RTL4: variants seen among roughly 807,000 people sequenced by gnomAD.
RTL4 encodes retrotransposon Gag-like protein 4.
A neutral mutation model predicts 5.3 loss-of-function variants in RTL4; 4 were observed. That is an observed-to-expected ratio of 0.75 (90% CI 0.37 to 1.72). The LOEUF is 1.72. RTL4 is among the 40% of genes most tolerant of loss of function. The pLI is 0.04. For synonymous variants in RTL4, 98 were observed against 87.3 expected (o/e 1.12, Z -0.68); for missense variants, 260 against 227.1 (o/e 1.14, Z -0.93).
the RTL4 span, among the ~76,000 whole-genome samples, chrX:112,410,750 T>C: frequency 9.0e-6 from 1 of 111,213 alleles, no homozygotes; most frequent in Non-Finnish European, 1.9e-5. Flanking sequence ...AAGAAGAAAG[T>C]TTATAGCTAG....
chrX:112,368,622 G>A, the RTL4 span, among the ~76,000 whole-genome samples: 2 of 110,504 alleles, frequency 1.8e-5, no homozygotes, highest in East Asian at 2.9e-4. Flanking sequence ...AACATCCGAC[G>A]ATGCATAGGG....
chrX:112,091,739 G>C, the RTL4 span, among the ~76,000 whole-genome samples: 1 of 110,515 alleles, frequency 9.0e-6, no homozygotes, highest in African/African-American at 3.3e-5. Flanking sequence ...TGTTCTATCT[G>C]TTACATCTAG....
the RTL4 span, among the ~76,000 whole-genome samples, chrX:112,175,833 G>C: frequency 3.6e-5 from 4 of 111,207 alleles, no homozygotes; most frequent in African/African-American, 6.5e-5. Flanking sequence ...CAGGGATGCC[G>C]TCTCTCACCA....
the RTL4 span, among the ~76,000 whole-genome samples, chrX:112,260,064 T>C: frequency 8.9e-6 from 1 of 111,744 alleles, no homozygotes; most frequent in Admixed American, 9.5e-5. Flanking sequence ...AAGCTTGAGA[T>C]AAAGAGAATT....
At chrX:112,208,375 G>A in the RTL4 span, among the ~76,000 whole-genome samples, 1 of 111,983 alleles carries the variant, frequency 8.9e-6, no homozygotes, top group Non-Finnish European at 1.9e-5. Context: ...TCTGCTTTCA[G>A]AATCATGTCC....
the RTL4 span, among the ~76,000 whole-genome samples, chrX:112,238,392 G>A: frequency 3.0e-4 from 33 of 111,373 alleles, no homozygotes; most frequent in Admixed American, 6.7e-4. Flanking sequence ...CATGATGATT[G>A]ATATATACAG....
At chrX:112,238,463 C>A in the RTL4 span, among the ~76,000 whole-genome samples, 9 of 111,402 alleles carry the variant, frequency 8.1e-5, no homozygotes, top group Non-Finnish European at 1.5e-4. Context: ...TTCTATTCCC[C>A]TCTTGAAAGA....
At chrX:112,199,264 G>C in the RTL4 span, among the ~76,000 whole-genome samples, 54 of 103,308 alleles carry the variant, frequency 5.2e-4, no homozygotes, top group South Asian at 1.4e-3. Flanking sequence ...ACTCCAGCCT[G>C]GGCGACGGAG....
the RTL4 span, among the ~76,000 whole-genome samples, chrX:112,201,874 A>T: frequency 8.9e-6 from 1 of 111,795 alleles, no homozygotes; most frequent in Non-Finnish European, 1.9e-5. Flanking sequence ...ATCTTGCATA[A>T]CTACAGAACA....
the RTL4 span, among the ~76,000 whole-genome samples, chrX:112,348,630 G>A: frequency 1.8e-5 from 2 of 110,429 alleles, no homozygotes; most frequent in Non-Finnish European, 3.8e-5. Flanking sequence ...CCTAGCATCT[G>A]GATATACTGT....
At chrX:112,109,588 T>A in the RTL4 span, among the ~76,000 whole-genome samples, 1 of 112,062 alleles carries the variant, frequency 8.9e-6, no homozygotes, top group Admixed American at 9.5e-5. Context: ...GGTGCTTTTT[T>A]ACAGAGCACT....
chrX:112,215,627 A>C, the RTL4 span, among the ~76,000 whole-genome samples: 1 of 112,109 alleles, frequency 8.9e-6, no homozygotes, highest in African/African-American at 3.2e-5. Flanking sequence ...TCAGAATTTC[A>C]TTCTTTTTTA....
At chrX:112,393,647 G>A in the RTL4 span, among the ~76,000 whole-genome samples, 1 of 111,799 alleles carries the variant, frequency 8.9e-6, no homozygotes, top group South Asian at 3.7e-4. Flanking sequence ...TGGTTGGCTT[G>A]GACTCCCCAA....
the RTL4 span, among the ~76,000 whole-genome samples, chrX:112,179,866 A>G: frequency 1.8e-5 from 2 of 112,131 alleles, no homozygotes; most frequent in South Asian, 3.7e-4. Context: ...AACTAGCACT[A>G]GTGGGCAAGA....
chrX:112,206,585 T>A, the RTL4 span, among the ~76,000 whole-genome samples: 1 of 111,165 alleles, frequency 9.0e-6, no homozygotes, highest in Admixed American at 9.6e-5. Flanking sequence ...TTTCCCTGGC[T>A]TCTAAAGTTG....
the RTL4 span, among the ~76,000 whole-genome samples, chrX:112,393,827 C>T: frequency 8.9e-6 from 1 of 111,978 alleles, no homozygotes; most frequent in African/African-American, 3.2e-5. Flanking sequence ...AGTCTACAGA[C>T]TGTTGCTGCT....
the RTL4 span, among the ~76,000 whole-genome samples, chrX:112,449,200 A>G: frequency 9.0e-6 from 1 of 111,343 alleles, no homozygotes; most frequent in Non-Finnish European, 1.9e-5. Context: ...ATTCCCAGGC[A>G]GAGAAGAAGA....
chrX:112,175,430 T>C, the RTL4 span, among the ~76,000 whole-genome samples: 1 of 109,823 alleles, frequency 9.1e-6, no homozygotes. Flanking sequence ...TTCTGTTCCA[T>C]TGATCTATAT....
At chrX:112,255,236 G>A in the RTL4 span, among the ~76,000 whole-genome samples, 1 of 112,089 alleles carries the variant, frequency 8.9e-6, no homozygotes, top group African/African-American at 3.2e-5. Context: ...GATTTATAGA[G>A]TGGTAAGCAA....
Sources: gnomAD v4.1 joint callset for allele counts (sites outside exome capture counted in the v4.1 genomes callset) on GRCh38, gnomAD v4.1.1 for gene constraint, MANE v1.5 for transcripts, NCBI Gene and HGNC (gene_info 2026-07-23, HGNC 2026-07-21) for gene names.